Variants in APTX observed in about 807,000 individuals in gnomAD.
The protein encoded by APTX is aprataxin, also known as forkhead-associated domain histidine triad-like protein.
Under a neutral mutation model 42.3 loss-of-function variants are expected in APTX, and 33 were observed. That is an observed-to-expected ratio of 0.78 (90% CI 0.59 to 1.04). APTX has a LOEUF of 1.04. Among genes scored for constraint, APTX ranks in the 50% least tolerant of loss-of-function variants. APTX has a pLI of 0.00. For synonymous variants in APTX, 130 were observed against 146.7 expected, an observed-to-expected ratio of 0.89 and a Z score of 0.82; for missense variants, 421 against 415.1, an observed-to-expected ratio of 1.01 and a Z score of -0.12.
intron 1 of APTX, chr9:33,020,091 G>A (rs1324360720): frequency 1.3e-5 from 5 of 384,042 alleles, no homozygotes; most frequent in Admixed American, 9.0e-5. Flanking sequence ...AGCCATCCCC[G>A]CAGTTGGCGC....
At chr9:32,991,112 G>C (rs2118900690) in intron 1 of APTX, among the ~76,000 whole-genome samples, 1 of 152,166 alleles carries the variant, frequency 6.6e-6, no homozygotes, top group South Asian at 2.1e-4. Context: ...TTTTAGTAGA[G>C]ACTAGGTTTC....
chr9:32,988,440 T>C (rs1832713936), intron 2 of APTX, among the ~76,000 whole-genome samples: 1 of 152,248 alleles, frequency 6.6e-6, no homozygotes, highest in Non-Finnish European at 1.5e-5. Context: ...GGCCTGCTCA[T>C]GATCACAGAC....
intron 1 of APTX, among the ~76,000 whole-genome samples, chr9:33,013,790 C>T (rs1266910319): frequency 6.6e-6 from 1 of 152,142 alleles, no homozygotes; most frequent in Admixed American, 6.5e-5. Context: ...GGCGACGGTG[C>T]AAGACTCCGT....
At position 32,988,093 on chromosome 9, in the gene APTX, T is replaced by C. The variant is rs572063713; in HGVS notation, c.170A>G (p.Lys57Arg). 4.1e-5 allele frequency: 66 copies of C among 1,614,134 alleles called. No homozygotes were observed. The Middle Eastern group carries it at 4.9e-4, about 12-fold the overall frequency. Residue 57 changes from lysine to arginine, a missense_variant, in exon 3 of 8, where the codon AAG becomes AGG. Coordinates refer to ENST00000379817, the MANE Select transcript of APTX (RefSeq NM_001195248.2). ...TATAAATACACCTACCTGCTTTACCTTGACATATCCCTTGTTACACTCTGC... is the reference window on the plus strand; with the variant it reads ...TATAAATACACCTACCTGCTTTACCCTGACATATCCCTTGTTACACTCTGC... Reference protein sequence around the residue: ...LKAECNKGYVKVKQVGVNPTS... With the variant: ...LKAECNKGYVRVKQVGVNPTS...
At chr9:32,988,009 T>C (rs1832605940) in intron 3 of APTX, 74 bp downstream of exon 3, 2 of 1,550,910 alleles carry the variant, frequency 1.3e-6, no homozygotes, top group Non-Finnish European at 1.8e-6. Context: ...CTTCACTGGC[T>C]GGCACAGACA....
chr9:33,008,772 G>A (rs143531415), intron 1 of APTX, among the ~76,000 whole-genome samples: 1,841 of 151,896 alleles, frequency 0.012, 28 homozygotes, highest in Non-Finnish European at 0.018. Context: ...GGCTGGTATC[G>A]AACTCCTGAC....
chr9:33,014,724 T>C (rs1837775696), intron 1 of APTX, among the ~76,000 whole-genome samples: 1 of 152,252 alleles, frequency 6.6e-6, no homozygotes, highest in Non-Finnish European at 1.5e-5. Context: ...TAAGCCATGA[T>C]CACCAAGACA....
rs533374746 is a variant in APTX, at chr9:32,999,355, A to G, written c.-5+2212T>C. Among the ~76,000 whole-genome samples the G allele has an allele frequency of 5.3e-5, 8 of 152,344 alleles. No homozygotes were observed. The South Asian group carries it at 1.7e-3, about 32-fold the overall frequency. On this transcript the variant is annotated intron_variant, in intron 1 of 7. Coordinates refer to ENST00000379817, the MANE Select transcript of APTX (RefSeq NM_001195248.2). ...CTAAAACAGTTTGGATATAAAGAGAAAGAAAGTTATTGGATGACAGCTAAA... is the reference window on the plus strand; with the variant it reads ...CTAAAACAGTTTGGATATAAAGAGAGAGAAAGTTATTGGATGACAGCTAAA...
intron 1 of APTX, chr9:33,001,265 G>A (rs185225792): frequency 2.1e-6 from 3 of 1,413,364 alleles, no homozygotes; most frequent in East Asian, 3.1e-5. Context: ...AAGCTGGGCC[G>A]CCTCCTTGGT....
At chr9:32,988,012 CACAG>C (rs1832609021) in intron 3 of APTX, 67 bp downstream of exon 3, 1 of 1,557,264 alleles carries the variant, frequency 6.4e-7, no homozygotes, top group East Asian at 2.2e-5. Flanking sequence ...CACTGGCTGG[CACAG>C]ACACTCTAAA....
intron 1 of APTX, chr9:33,019,794 AAC>A: frequency 1.6e-6 from 1 of 614,008 alleles, no homozygotes. Flanking sequence ...CGGAGCAGGC[AAC>A]AGTCTTCAGC....
rs144843863 is a variant in APTX, at chr9:32,992,847, C to T, written c.-4-2952G>A. On this transcript the variant is annotated intron_variant, in intron 1 of 7. Coordinates refer to ENST00000379817, the MANE Select transcript of APTX (RefSeq NM_001195248.2). Reference sequence around the variant, plus strand: ...GCAAGTCTCTGTGAAGGAGCTGATGCAGGTGCACGAAGAGTCAGCTATAAA... The same window carrying T: ...GCAAGTCTCTGTGAAGGAGCTGATGTAGGTGCACGAAGAGTCAGCTATAAA... Among the ~76,000 whole-genome samples the T allele has an allele frequency of 5.3e-3, 803 of 152,302 alleles. 8 individuals carry two copies. Among genetic ancestry groups the T allele is most frequent in the African/African-American group, 0.018 (755 of 41,558 alleles).
intron 1 of APTX, among the ~76,000 whole-genome samples, chr9:32,991,664 C>G (rs1308782541): frequency 6.6e-6 from 1 of 151,710 alleles, no homozygotes; most frequent in East Asian, 1.9e-4. Flanking sequence ...TGCCTCCCAC[C>G]TACTCGGGAG....
chr9:33,020,261 T>TCTTCCTCC, intron 1 of APTX: 1 of 167,868 alleles, frequency 6.0e-6, no homozygotes. Flanking sequence ...TTCTTCCTCC[T>TCTTCCTCC]TCTGGGCTCC....
rs557971041 is a variant in APTX at position 32,997,475 on chromosome 9, C to T, written c.-5+4092G>A. On this transcript the variant is annotated intron_variant, in intron 1 of 7. Transcript: ENST00000379817. The stretch of plus-strand genomic sequence containing the variant: ...ACCGAGATTGGGAGGAAGGAGGTGT[C>T]AGGAAAAAATTTCCTGGAGGAGGTG... 1.8e-4 allele frequency: 27 copies of T among 152,112 alleles called. 1 individual carries two copies. The highest frequency in any genetic ancestry group is 6.3e-4 in the African/African-American group (26 of 41,472). The allele number at this position is 152,112 out of a possible 1,614,324, so 9.4% of individuals were successfully genotyped here. A position where few individuals can be genotyped will look rare whatever the true frequency, so the allele number is the denominator to read the frequency against.
At chr9:33,010,712 C>G (rs117072400) in intron 1 of APTX, among the ~76,000 whole-genome samples, 1 of 149,374 alleles carries the variant, frequency 6.7e-6, no homozygotes. Flanking sequence ...AGAGTGAAAC[C>G]TCGTTCCAAA....
At chr9:33,020,528 A>G (rs1391843721) in intron 1 of APTX, among the ~76,000 whole-genome samples, 2 of 152,240 alleles carry the variant, frequency 1.3e-5, no homozygotes, top group Non-Finnish European at 2.9e-5. Flanking sequence ...TGAAATTTAA[A>G]TGTAATCAAA....
In APTX at chr9:32,989,914, G is replaced by A; in HGVS notation, c.-4-19C>T. The A allele has an allele frequency of 6.2e-7, 1 of 1,610,664 alleles. No homozygotes were observed. Among genetic ancestry groups the A allele is most frequent in the Non-Finnish European group, 8.5e-7 (1 of 1,178,392 alleles). On this transcript the variant is annotated intron_variant, in intron 1 of 7. Transcript: ENST00000379817. ...CATCACTCTAAGGGACAAAACAAAA[G>A]AATCACTAGAAAAACAGATCCACTA...
chr9:33,024,861 A>AGGG (rs67524781), intron 1 of APTX: 1 of 54,798 alleles, frequency 1.8e-5, no homozygotes, highest in South Asian at 1.2e-3. Flanking sequence ...CGCCCGTAAG[A>AGGG]GGGGGGGGGG....
Sources: gnomAD v4.1 joint callset for allele counts (sites outside exome capture counted in the v4.1 genomes callset) on GRCh38, gnomAD v4.1.1 for gene constraint, MANE v1.5 for transcripts, NCBI Gene and HGNC (gene_info 2026-07-23, HGNC 2026-07-21) for gene names.